SYT9: variants seen among roughly 807,000 people sequenced by gnomAD.
SYT9 encodes synaptotagmin-9.
Under a neutral mutation model 48.4 loss-of-function variants are expected in SYT9, and 22 were observed. The observed-to-expected ratio is 0.45, with a 90% CI of 0.32 to 0.65. SYT9 has a LOEUF of 0.65. SYT9 is among the 30% of genes least tolerant of loss of function. SYT9 has a pLI of 0.03. For synonymous variants in SYT9, 265 were observed against 245.0 expected (o/e 1.08, Z -0.76); for missense variants, 577 against 622.0 (o/e 0.93, Z 0.77).
intron 3 of SYT9, among the ~76,000 whole-genome samples, chr11:7,406,928 A>C (rs975322471): frequency 1.1e-4 from 16 of 151,972 alleles, no homozygotes; most frequent in African/African-American, 3.9e-4. Context: ...TTTATTTTGC[A>C]TTTCCCTAAT....
chr11:7,428,757 C>T (rs977213309), intron 6 of SYT9, among the ~76,000 whole-genome samples: 1 of 152,136 alleles, frequency 6.6e-6, no homozygotes, highest in Non-Finnish European at 1.5e-5. Flanking sequence ...AGGTGGGTCT[C>T]TCCATGTGAC....
At chr11:7,329,353 C>G (rs1849488938) in intron 3 of SYT9, among the ~76,000 whole-genome samples, 1 of 152,160 alleles carries the variant, frequency 6.6e-6, no homozygotes, top group South Asian at 2.1e-4. Flanking sequence ...ATGTAATTTT[C>G]ATTCCTAGAA....
intron 3 of SYT9, among the ~76,000 whole-genome samples, chr11:7,334,805 AT>A (rs1241478860): frequency 6.6e-6 from 1 of 152,214 alleles, no homozygotes; most frequent in African/African-American, 2.4e-5. Flanking sequence ...TGTTGTATGT[AT>A]TAATAATTCA....
intron 1 of SYT9, among the ~76,000 whole-genome samples, chr11:7,245,422 CT>C (rs1040418927): frequency 5.0e-4 from 73 of 147,402 alleles, no homozygotes; most frequent in Admixed American, 2.0e-3. Flanking sequence ...TCTTTTCTCT[CT>C]TTTTTTTTTG....
intron 6 of SYT9, among the ~76,000 whole-genome samples, chr11:7,434,668 A>G (rs1847669261): frequency 6.6e-6 from 1 of 152,120 alleles, no homozygotes; most frequent in Admixed American, 6.5e-5. Flanking sequence ...CTACCTCTCT[A>G]CCTTGGGCCT....
chr11:7,318,228 T>C (rs919647950), intron 3 of SYT9, among the ~76,000 whole-genome samples: 1 of 152,248 alleles, frequency 6.6e-6, no homozygotes, highest in Non-Finnish European at 1.5e-5. Context: ...TTATCTTCTC[T>C]AAAATTTCAT....
chr11:7,385,047 T>A (rs1850631587), intron 3 of SYT9, among the ~76,000 whole-genome samples: 1 of 152,182 alleles, frequency 6.6e-6, no homozygotes, highest in Non-Finnish European at 1.5e-5. Context: ...AACTCCCCAC[T>A]ACTTAACTCC....
intron 6 of SYT9, among the ~76,000 whole-genome samples, chr11:7,452,939 C>T (rs1273611739): frequency 2.6e-5 from 4 of 152,066 alleles, no homozygotes; most frequent in South Asian, 2.1e-4. Flanking sequence ...TGCACCACCA[C>T]GCCCAGCTAA....
chr11:7,309,167 G>A (rs989672411), intron 2 of SYT9, among the ~76,000 whole-genome samples: 1 of 152,092 alleles, frequency 6.6e-6, no homozygotes, highest in African/African-American at 2.4e-5. Context: ...TCTCTTTGTT[G>A]TTTCTTCCAT....
At chr11:7,367,775 ATTTGGAT>A (rs71056802) in intron 3 of SYT9, among the ~76,000 whole-genome samples, 42,890 of 151,732 alleles carry the variant, frequency 0.28, 6,601 homozygotes, top group Non-Finnish European at 0.35. Context: ...GAATTTCTGC[ATTTGGAT>A]TTAGGCTTAG....
At chr11:7,439,022 C>T (rs1037827600) in intron 6 of SYT9, 5 of 152,226 alleles carry the variant, frequency 3.3e-5, no homozygotes, top group Non-Finnish European at 7.3e-5. Flanking sequence ...AGAGCCACCT[C>T]CCTCCACTCA....
intron 3 of SYT9, among the ~76,000 whole-genome samples, chr11:7,384,839 T>A (rs1161858288): frequency 6.6e-6 from 1 of 152,126 alleles, no homozygotes; most frequent in Admixed American, 6.6e-5. Context: ...CTCACTATAC[T>A]CCAGCTACAC....
chr11:7,241,353 A>G (rs1430306730), intron 1 of SYT9, among the ~76,000 whole-genome samples: 4 of 152,180 alleles, frequency 2.6e-5, no homozygotes, highest in Non-Finnish European at 5.9e-5. Context: ...GGAGAGAAAA[A>G]ATATTTGTGT....
chr11:7,359,076 C>T (rs905215566), intron 3 of SYT9, among the ~76,000 whole-genome samples: 1 of 150,590 alleles, frequency 6.6e-6, no homozygotes, highest in Non-Finnish European at 1.5e-5. Flanking sequence ...GTTCAATTCC[C>T]ACCTATGAGT....
chr11:7,255,482 G>A (rs927921888), intron 1 of SYT9, among the ~76,000 whole-genome samples: 2 of 152,202 alleles, frequency 1.3e-5, no homozygotes, highest in African/African-American at 2.4e-5. Flanking sequence ...GAAGAGCAAA[G>A]GTGAAGTCAG....
chr11:7,458,781 G>T (rs545983376), intron 6 of SYT9, among the ~76,000 whole-genome samples: 143 of 152,282 alleles, frequency 9.4e-4, no homozygotes, highest in African/African-American at 3.2e-3. Context: ...TAGGGGATGA[G>T]ATCAGAAAGG....
chr11:7,268,369 A>C (rs551739489), intron 1 of SYT9, among the ~76,000 whole-genome samples: 20 of 151,978 alleles, frequency 1.3e-4, no homozygotes, highest in Non-Finnish European at 2.4e-4. Flanking sequence ...ACTGTGGCAT[A>C]GAAAAAATAT....
chr11:7,280,708 G>C (rs1297400368), intron 1 of SYT9, among the ~76,000 whole-genome samples: 1 of 152,168 alleles, frequency 6.6e-6, no homozygotes, highest in African/African-American at 2.4e-5. Context: ...GTGCAGTAGT[G>C]CATCAATATC....
intron 4 of SYT9, among the ~76,000 whole-genome samples, chr11:7,417,152 A>G (rs1271594780): frequency 3.4e-5 from 5 of 145,448 alleles, no homozygotes; most frequent in Non-Finnish European, 7.7e-5. Flanking sequence ...TCTGCATCCT[A>G]TATCCCAGTG....
Sources: allele counts gnomAD v4.1 joint callset (sites outside exome capture counted in the v4.1 genomes callset), GRCh38; gene constraint gnomAD v4.1.1; transcripts MANE v1.5; gene names NCBI Gene and HGNC (gene_info 2026-07-23, HGNC 2026-07-21).